FAM184A: variants seen among roughly 807,000 people sequenced by gnomAD.
The protein encoded by FAM184A is protein FAM184A.
In FAM184A, 99 loss-of-function variants were observed where a neutral mutation model predicts 143.8. The observed-to-expected ratio is 0.69, with a 90% CI of 0.58 to 0.81. The LOEUF (loss-of-function observed/expected upper bound fraction) is 0.81. Ranked by LOEUF, FAM184A falls within the 40% of genes least tolerant of loss-of-function variation. The pLI is 0.00. For synonymous variants in FAM184A, 427 were observed against 446.4 expected, an observed-to-expected ratio of 0.96 and a Z score of 0.55; for missense variants, 1,217 against 1,310.5, an observed-to-expected ratio of 0.93 and a Z score of 1.10.
rs143281985 is a variant in FAM184A, at chr6:119,140,265, G to C, written c.-202+8813C>G. On this transcript the variant is annotated intron_variant, in intron 1 of 16. Transcript: ENST00000352896. ...GAGGATGTAAGGGAGTACCAAGAAA[G>C]GGGAGCAGGAGAATGCATTTTCTGG... is the stretch of plus-strand genomic sequence containing the variant. Among the ~76,000 whole-genome samples, 741 of 152,306 alleles carry C rather than the reference G, an allele frequency of 4.9e-3. 5 individuals carry two copies. The highest frequency in any genetic ancestry group is 0.017 in the African/African-American group (707 of 41,550).
upstream of FAM184A, among the ~76,000 whole-genome samples, chr6:119,083,298 C>G (rs758796521): frequency 6.6e-6 from 1 of 152,228 alleles, no homozygotes; most frequent in Non-Finnish European, 1.5e-5. Flanking sequence ...ATATTTTCCC[C>G]ATTGTCTTGG....
chr6:118,978,548 T>C (rs1198628026), intron 11 of FAM184A, among the ~76,000 whole-genome samples: 1 of 152,232 alleles, frequency 6.6e-6, no homozygotes, highest in Admixed American at 6.5e-5. Flanking sequence ...ATTTTCATGC[T>C]AGCAGTCATA....
At chr6:118,972,950 T>A (rs1783738868) in intron 14 of FAM184A, among the ~76,000 whole-genome samples, 1 of 152,156 alleles carries the variant, frequency 6.6e-6, no homozygotes, top group African/African-American at 2.4e-5. Flanking sequence ...GAGCTCATAC[T>A]TGGCCCAAAA....
upstream of FAM184A, among the ~76,000 whole-genome samples, chr6:119,080,686 TG>T (rs1385169286): frequency 2.0e-5 from 3 of 152,224 alleles, no homozygotes; most frequent in African/African-American, 7.2e-5. Context: ...TCCAAAAATC[TG>T]AAATCCAAAA....
At chr6:118,993,885 CA>C (rs375340817) in intron 9 of FAM184A, among the ~76,000 whole-genome samples, 359 of 152,306 alleles carry the variant, frequency 2.4e-3, no homozygotes, top group African/African-American at 8.0e-3. Context: ...CAAAGCCCTT[CA>C]ACAGTTCACT....
chr6:118,964,519 A>G (rs1173166258), intron 16 of FAM184A, 148 bp downstream of exon 16: 1 of 454,086 alleles, frequency 2.2e-6, no homozygotes, highest in Non-Finnish European at 3.9e-6. Flanking sequence ...GAACATATAA[A>G]TAATTCATAA....
chr6:118,965,197 T>G (rs1562453196), intron 15 of FAM184A, among the ~76,000 whole-genome samples: 1 of 93,456 alleles, frequency 1.1e-5, no homozygotes, highest in Non-Finnish European at 2.0e-5. Flanking sequence ...GCTAAGTTTT[T>G]TTTGTTTGTT....
At position 118,998,216 on chromosome 6, in the gene FAM184A, C is replaced by A. The variant is rs79856591; in HGVS notation, c.2088+4683G>T. Among the ~76,000 whole-genome samples the A allele has an allele frequency of 1.8e-4, 27 of 152,298 alleles. No homozygotes were observed. The East Asian group carries it at 4.8e-3, about 27-fold the overall frequency. ...AACTTTAATATTTTCTTCTCTTCTA[C>A]CAAAGCAGATGATTGATCCTTTTAC... On this transcript the variant is annotated intron_variant, in intron 9 of 17. Coordinates refer to ENST00000338891, the MANE Select transcript of FAM184A (RefSeq NM_024581.6).
chr6:119,139,762 T>G (rs1326855223), intron 1 of FAM184A, among the ~76,000 whole-genome samples: 1 of 152,222 alleles, frequency 6.6e-6, no homozygotes, highest in Non-Finnish European at 1.5e-5. Context: ...TCTGGCACTT[T>G]TAGAAAAGCA....
At chr6:119,120,234 T>G (rs1267831058) in intron 1 of FAM184A, among the ~76,000 whole-genome samples, 1 of 152,252 alleles carries the variant, frequency 6.6e-6, no homozygotes, top group Non-Finnish European at 1.5e-5. Flanking sequence ...GATTTGCCTG[T>G]GGTGGACATT....
rs143937109 is a variant in FAM184A, at chr6:118,996,684, A to G, written c.2088+6215T>C. Among the ~76,000 whole-genome samples the G allele has an allele frequency of 1.8e-3, 268 of 152,030 alleles. 1 individual carries two copies. Among genetic ancestry groups the G allele is most frequent in the African/African-American group, 6.0e-3 (249 of 41,454 alleles). On this transcript the variant is annotated intron_variant, in intron 9 of 17. Coordinates refer to ENST00000338891, the MANE Select transcript of FAM184A (RefSeq NM_024581.6). ...ACTATCTGCTGTCACTGCTTAGGGA[A>G]CCTGTCAAGGAATCTGACTGAGTTA...
intron 5 of FAM184A, among the ~76,000 whole-genome samples, chr6:119,013,208 A>C (rs1363042510): frequency 1.3e-5 from 2 of 152,194 alleles, no homozygotes; most frequent in African/African-American, 4.8e-5. Context: ...CCATGTTTTA[A>C]AGAAAGACTT....
rs1304097783 is a variant in FAM184A, at chr6:118,965,201, G to GT, written c.3034-431dup. Among the ~76,000 whole-genome samples the GT allele has an allele frequency of 5.0e-3, 210 of 41,720 alleles. 1 individual carries two copies. The highest frequency in any genetic ancestry group is 0.017 in the African/African-American group (185 of 11,140). The allele number at this position is 41,720 out of a possible 152,430, so 27.4% of individuals were successfully genotyped here. A position where few individuals can be genotyped will look rare whatever the true frequency, so the allele number is the denominator to read the frequency against. On this transcript the variant is annotated intron_variant, in intron 15 of 17. Coordinates refer to ENST00000338891, the MANE Select transcript of FAM184A (RefSeq NM_024581.6). ...CACCATACCCAGCTAAGTTTTTTTT[G>GT]TTTGTTTTTTTTTTTTTTTTGGTGT... is the stretch of plus-strand genomic sequence containing the variant.
intron 1 of FAM184A, among the ~76,000 whole-genome samples, chr6:119,126,539 G>A (rs543422956): frequency 9.8e-5 from 15 of 152,308 alleles, no homozygotes; most frequent in Admixed American, 2.6e-4. Context: ...GAGTGCTTCC[G>A]GGCACCGGCA....
intron 1 of FAM184A, among the ~76,000 whole-genome samples, chr6:119,127,239 A>G (rs1022993528): frequency 2.0e-5 from 3 of 152,194 alleles, no homozygotes; most frequent in African/African-American, 7.2e-5. Context: ...CTTAAGGTCA[A>G]CTGATTTGGG....
At chr6:119,121,794 C>A (rs1789220388) in intron 1 of FAM184A, among the ~76,000 whole-genome samples, 1 of 152,196 alleles carries the variant, frequency 6.6e-6, no homozygotes. Context: ...GCATGAAGAT[C>A]TGAACTGTCA....
chr6:119,040,874 G>A (rs1205401392), intron 1 of FAM184A, among the ~76,000 whole-genome samples: 2 of 152,138 alleles, frequency 1.3e-5, no homozygotes, highest in Non-Finnish European at 2.9e-5. Context: ...ACCCCAAGCC[G>A]CAAGTCCTCA....
At chr6:119,003,732 A>G in intron 7 of FAM184A, 110 bp from the exon 8 acceptor site, 1 of 1,072,272 alleles carries the variant, frequency 9.3e-7, no homozygotes, top group Non-Finnish European at 1.3e-6. Flanking sequence ...AAATTCTTAC[A>G]GCCCAATACT....
chr6:119,142,445 T>A (rs1388172668), intron 1 of FAM184A, among the ~76,000 whole-genome samples: 1 of 152,208 alleles, frequency 6.6e-6, no homozygotes, highest in East Asian at 1.9e-4. Flanking sequence ...AAGTCCACAC[T>A]TAACATTCTT....
Sources: allele counts gnomAD v4.1 joint callset (sites outside exome capture counted in the v4.1 genomes callset), GRCh38; gene constraint gnomAD v4.1.1; transcripts MANE v1.5; gene names NCBI Gene and HGNC (gene_info 2026-07-23, HGNC 2026-07-21).